Variants in SLC7A11 observed in about 807,000 individuals in gnomAD.
The protein encoded by SLC7A11 is solute carrier family 7 member 11, also known as cystine/glutamate transporter.
A neutral mutation model predicts 54.5 loss-of-function variants in SLC7A11; 35 were observed. That is an observed-to-expected ratio of 0.64 (90% confidence interval 0.49 to 0.85). The LOEUF is 0.85. SLC7A11 is among the 40% of genes least tolerant of loss of function. The pLI is 0.00. For synonymous variants in SLC7A11, 230 were observed against 225.2 expected (o/e 1.02, Z -0.19); for missense variants, 583 against 618.1 (o/e 0.94, Z 0.60).
rs569184478 is a variant in SLC7A11, at chr4:138,222,385, C to T, written c.646+814G>A. 3.3e-5 allele frequency among the ~76,000 whole-genome samples: 5 copies of T among 152,340 alleles called. No homozygotes were observed. The East Asian group carries it at 9.6e-4, about 29-fold the overall frequency. ...TTGGAACAGACAATATCAATGTAAA[C>T]ATTAAATACTTAACATGCCCAAGTT... On this transcript the variant is annotated intron_variant, in intron 4 of 11. Coordinates refer to ENST00000280612, the MANE Select transcript of SLC7A11 (RefSeq NM_014331.4).
At chr4:138,196,931 A>G (rs2148424189) in intron 6 of SLC7A11, among the ~76,000 whole-genome samples, 1 of 152,340 alleles carries the variant, frequency 6.6e-6, no homozygotes, top group South Asian at 2.1e-4. Flanking sequence ...AAGTGCTAGG[A>G]TTACAGGCGT....
intron 5 of SLC7A11, among the ~76,000 whole-genome samples, chr4:138,215,784 CA>C (rs1387166426): frequency 6.6e-6 from 1 of 151,594 alleles, no homozygotes; most frequent in East Asian, 1.9e-4. Flanking sequence ...CACTAAAAAA[CA>C]AACACCACCA....
At position 138,242,304 on chromosome 4, in the gene SLC7A11, C is replaced by T. The variant is rs903190430; in HGVS notation, c.-235G>A. 17 of 558,402 alleles carry T rather than the reference C, an allele frequency of 3.0e-5. No homozygotes were observed. In the Admixed American group the frequency reaches 4.3e-4, roughly 14 times the overall value. The allele number at this position is 558,402 out of a possible 1,614,324, so 34.6% of individuals were successfully genotyped here. ...CTCTCAATTCTCCACCTCCTCGTTCCACCACTGCTGCTGCTGCTGCTGCTG... is the reference window on the plus strand; with the variant it reads ...CTCTCAATTCTCCACCTCCTCGTTCTACCACTGCTGCTGCTGCTGCTGCTG... On this transcript the variant is annotated 5_prime_UTR_variant, in exon 1 of 12. An upstream open reading frame in the 5' UTR gains an earlier in-frame stop. Transcript: ENST00000280612.
rs551398268 is a variant in SLC7A11 at position 138,195,782 on chromosome 4, T to G, written c.792-10538A>C. Among the ~76,000 whole-genome samples the G allele has an allele frequency of 1.3e-3, 204 of 152,296 alleles. 1 individual carries two copies. The highest frequency in any genetic ancestry group is 4.7e-3 in the African/African-American group (195 of 41,562). On this transcript the variant is annotated intron_variant, in intron 6 of 11. Coordinates refer to ENST00000280612, the MANE Select transcript of SLC7A11 (RefSeq NM_014331.4). ...CCATAAAAATATTAAGACTATTCAA[T>G]GAGCATTATTAAGGGCCCTTGAAGT... is the stretch of plus-strand genomic sequence containing the variant.
In SLC7A11 at chr4:138,168,368, G is replaced by A. The variant is rs1226994829; in HGVS notation, c.*3588C>T. ...CAGTCCATACTATCTTTCATTTCCT[G>A]ATTCTCTGGCCTTCGGTTTTTTATC... is the stretch of plus-strand genomic sequence containing the variant. On this transcript the variant is annotated 3_prime_UTR_variant, in exon 12 of 12. Transcript: ENST00000280612. 6.6e-6 allele frequency: 1 copy of A among 152,082 alleles called. No individual in the cohort carries two copies. Among genetic ancestry groups the A allele is most frequent in the Admixed American group, 6.6e-5 (1 of 15,266 alleles). The allele number at this position is 152,082 out of a possible 1,614,324, so 9.4% of individuals were successfully genotyped here. A position where few individuals can be genotyped will look rare whatever the true frequency, so the allele number is the denominator to read the frequency against.
intron 11 of SLC7A11, among the ~76,000 whole-genome samples, chr4:138,175,098 C>T (rs576808319): frequency 3.9e-5 from 6 of 152,250 alleles, no homozygotes; most frequent in African/African-American, 1.2e-4. Flanking sequence ...TGTAGGCAAG[C>T]TTAATTAACT....
chr4:138,189,965 A>G (rs1361391005), intron 6 of SLC7A11, among the ~76,000 whole-genome samples: 1 of 152,150 alleles, frequency 6.6e-6, no homozygotes, highest in African/African-American at 2.4e-5. Flanking sequence ...TGAATTTAGG[A>G]TATTTCAAGA....
At chr4:138,196,002 T>TA (rs112224607) in intron 6 of SLC7A11, among the ~76,000 whole-genome samples, 1 of 151,986 alleles carries the variant, frequency 6.6e-6, no homozygotes, top group Non-Finnish European at 1.5e-5. Context: ...AAAGAAGGCT[T>TA]AAAAAAATGG....
chr4:138,207,123 C>T (rs189206199), intron 6 of SLC7A11, among the ~76,000 whole-genome samples: 2 of 151,590 alleles, frequency 1.3e-5, no homozygotes, highest in East Asian at 1.9e-4. Context: ...TAAAAAGATG[C>T]CTCATTTTGC....
chr4:138,205,801 A>G (rs1169405798), intron 6 of SLC7A11, among the ~76,000 whole-genome samples: 2 of 152,072 alleles, frequency 1.3e-5, no homozygotes, highest in Admixed American at 6.6e-5. Flanking sequence ...GCTGGAGACA[A>G]TATAATGGCT....
At chr4:138,175,300 T>C (rs963129108) in intron 11 of SLC7A11, among the ~76,000 whole-genome samples, 1 of 152,194 alleles carries the variant, frequency 6.6e-6, no homozygotes, top group Non-Finnish European at 1.5e-5. Context: ...TGATTTTTTA[T>C]AATCAAAGAT....
chr4:138,222,388 T>G (rs1333765487), intron 4 of SLC7A11, among the ~76,000 whole-genome samples: 1 of 152,262 alleles, frequency 6.6e-6, no homozygotes, highest in Non-Finnish European at 1.5e-5. Flanking sequence ...ATGTAAACAT[T>G]AAATACTTAA....
intron 11 of SLC7A11, among the ~76,000 whole-genome samples, chr4:138,172,487 T>G (rs1736450825): frequency 6.6e-6 from 1 of 152,202 alleles, no homozygotes; most frequent in Non-Finnish European, 1.5e-5. Context: ...TCCTAGGGCC[T>G]AATTTGCCTA....
intron 6 of SLC7A11, among the ~76,000 whole-genome samples, chr4:138,204,154 T>C (rs947617280): frequency 6.6e-6 from 1 of 152,126 alleles, no homozygotes; most frequent in African/African-American, 2.4e-5. Context: ...GGATCAGCTT[T>C]GTTTTCCCAA....
At chr4:138,237,725 ATATATATATATATTTTTTTTTTTT>A (rs1314407924) in intron 1 of SLC7A11, among the ~76,000 whole-genome samples, 5 of 8,346 alleles carry the variant, frequency 6.0e-4, no homozygotes, top group Admixed American at 2.6e-3. Context: ...ATATATATAT[ATATATATATATATTTTTTTTTTTT>A]TTTTTTTTTT....
At chr4:138,190,273 A>T (rs749420908) in intron 6 of SLC7A11, among the ~76,000 whole-genome samples, 16 of 152,022 alleles carry the variant, frequency 1.1e-4, no homozygotes, top group Admixed American at 4.6e-4. Flanking sequence ...AGAAAAAATT[A>T]AGAAGAACAA....
chr4:138,183,209 C>A lies in SLC7A11; in HGVS notation c.1012G>T (p.Val338Phe). The change falls in exon 8 of 12, where the codon GTC becomes TTC. Residue 338 changes from valine to phenylalanine, a missense_variant. Val to Phe is a conservative substitution (Grantham distance 50). Transcript: ENST00000280612. ...ATACATGAACTCACTCACCTGGAGA[C>A]AGCAAACACACCACCGTTCATGGAG... The part of the protein sequence containing the change: ...FGSMNGGVFA[V>F]SRLFYVASRE... The A allele has an allele frequency of 6.2e-7, 1 of 1,607,976 alleles. No homozygotes were observed. The highest frequency in any genetic ancestry group is 8.5e-7 in the Non-Finnish European group (1 of 1,175,316).
At chr4:138,180,934 C>G (rs1160920550) in intron 9 of SLC7A11, 144 bp from the exon 10 acceptor site, 1 of 773,396 alleles carries the variant, frequency 1.3e-6, no homozygotes, top group African/African-American at 1.8e-5. Flanking sequence ...TTGGATTTGA[C>G]TAATCTCTTT....
chr4:138,174,386 CTA>C (rs1736513265), intron 11 of SLC7A11: 1 of 152,356 alleles, frequency 6.6e-6, no homozygotes, highest in South Asian at 2.1e-4. Flanking sequence ...ACACTTTCTG[CTA>C]TCTTTCCTCT....
Sources: gnomAD v4.1 joint callset for allele counts (sites outside exome capture counted in the v4.1 genomes callset) on GRCh38, gnomAD v4.1.1 for gene constraint, MANE v1.5 for transcripts, NCBI Gene and HGNC (gene_info 2026-07-23, HGNC 2026-07-21) for gene names.